RAB11FIP4: variants seen among roughly 807,000 people sequenced by gnomAD.
The protein encoded by RAB11FIP4 is RAB11 family interacting protein 4.
Under a neutral mutation model 74.3 loss-of-function variants are expected in RAB11FIP4, and 23 were observed. The observed-to-expected ratio is 0.31, with a 90% CI of 0.22 to 0.44. The LOEUF (loss-of-function observed/expected upper bound fraction) is 0.44, where lower values mean the gene tolerates loss of function less well. Among genes scored for constraint, RAB11FIP4 ranks in the 20% least tolerant of loss-of-function variants. The pLI, the probability that RAB11FIP4 is intolerant of heterozygous loss-of-function variation, is 1.00. For synonymous variants in RAB11FIP4, 360 were observed against 359.9 expected, an observed-to-expected ratio of 1.00 and a Z score of 0.00; for missense variants, 630 against 863.9, an observed-to-expected ratio of 0.73 and a Z score of 3.39.
At chr17:31,445,529 ATTTT>A (rs754621381) in intron 3 of RAB11FIP4, among the ~76,000 whole-genome samples, 1,654 of 89,880 alleles carry the variant, frequency 0.018, 35 homozygotes, top group Middle Eastern at 0.071. Flanking sequence ...AATTTTCCCA[ATTTT>A]ATATATATAT....
In RAB11FIP4 at chr17:31,527,941, G is replaced by T. The variant is rs2072796367; in HGVS notation, c.1356+18G>T. ...TGGATGAGGTGAGCAGCAGATCCAG[G>T]CTTGGAGGGGCAGGGCTGGCCATCG... is the stretch of plus-strand genomic sequence containing the variant. On this transcript the variant is annotated intron_variant, in intron 11 of 14. Coordinates refer to ENST00000621161, the MANE Select transcript of RAB11FIP4 (RefSeq NM_032932.6). The T allele has an allele frequency of 1.3e-6, 2 of 1,571,606 alleles. No homozygotes were observed. Among genetic ancestry groups the T allele is most frequent in the Non-Finnish European group, 1.7e-6 (2 of 1,154,628 alleles).
In RAB11FIP4 at chr17:31,523,885, T is replaced by G; in HGVS notation, c.1030-8T>G. ...TCTTCTCCACCCCACCCCGGCCCCCTGCTGCAGGTAAGCTTCCTGGAAAAG... is the reference window on the plus strand; with the variant it reads ...TCTTCTCCACCCCACCCCGGCCCCCGGCTGCAGGTAAGCTTCCTGGAAAAG... On this transcript the variant is annotated splice_region_variant and splice_polypyrimidine_tract_variant and intron_variant, in intron 8 of 14. Coordinates refer to ENST00000621161, the MANE Select transcript of RAB11FIP4 (RefSeq NM_032932.6). 19 of 1,176,908 alleles carry G rather than the reference T, an allele frequency of 1.6e-5. No individual in the cohort carries two copies. The highest frequency in any genetic ancestry group is 2.0e-5 in the Non-Finnish European group (16 of 786,606). The allele number at this position is 1,176,908 out of a possible 1,614,324, so 72.9% of individuals were successfully genotyped here.
At chr17:31,400,553 G>A (rs1196219427) in intron 1 of RAB11FIP4, among the ~76,000 whole-genome samples, 1 of 152,248 alleles carries the variant, frequency 6.6e-6, no homozygotes, top group African/African-American at 2.4e-5. Context: ...AGAGGCAGAA[G>A]GGGCCGGGGA....
intron 3 of RAB11FIP4, among the ~76,000 whole-genome samples, chr17:31,488,838 C>G (rs756208320): frequency 1.3e-5 from 2 of 152,082 alleles, no homozygotes; most frequent in African/African-American, 4.8e-5. Context: ...CGGTCTGGCC[C>G]GGTGGTGGGA....
At chr17:31,434,694 G>C (rs1470350865) in intron 3 of RAB11FIP4, among the ~76,000 whole-genome samples, 1 of 152,130 alleles carries the variant, frequency 6.6e-6, no homozygotes, top group East Asian at 1.9e-4. Flanking sequence ...TAATTCACTG[G>C]AAACACTCAG....
intron 3 of RAB11FIP4, among the ~76,000 whole-genome samples, chr17:31,473,894 G>A (rs1567667796): frequency 6.6e-6 from 1 of 152,192 alleles, no homozygotes; most frequent in Non-Finnish European, 1.5e-5. Flanking sequence ...CAGAAGTGTT[G>A]GCTGCTGCAG....
intron 3 of RAB11FIP4, chr17:31,488,352 A>G: frequency 1.9e-6 from 2 of 1,028,726 alleles, no homozygotes; most frequent in South Asian, 4.6e-5. Flanking sequence ...GGCCCCGGGA[A>G]GTTGGCGGAG....
rs1190316585 is a variant in RAB11FIP4, at chr17:31,519,007, CTT to C, written c.563+1154_563+1155del. 2.4e-3 allele frequency among the ~76,000 whole-genome samples: 175 copies of C among 73,950 alleles called. 2 individuals carry two copies. Among genetic ancestry groups the C allele is most frequent in the African/African-American group, 7.9e-3 (153 of 19,362 alleles). The allele number at this position is 73,950 out of a possible 152,430, so 48.5% of individuals were successfully genotyped here. ...GCCACCATGTCCAGCTAAGTTTTGT[CTT>C]TTTTTTTTTTTTTTTTTTTTTTTGA... On this transcript the variant is annotated intron_variant, in intron 4 of 14. Coordinates refer to ENST00000621161, the MANE Select transcript of RAB11FIP4 (RefSeq NM_032932.6).
At chr17:31,438,919 C>G (rs975006975) in intron 3 of RAB11FIP4, among the ~76,000 whole-genome samples, 1 of 152,076 alleles carries the variant, frequency 6.6e-6, no homozygotes, top group African/African-American at 2.4e-5. Context: ...TGAGACCAGC[C>G]TGGACAATAT....
chr17:31,480,170 C>T (rs9895924), intron 3 of RAB11FIP4, among the ~76,000 whole-genome samples: 2,147 of 152,208 alleles, frequency 0.014, 44 homozygotes, highest in African/African-American at 0.047. Flanking sequence ...CTGCTCCACA[C>T]GGCCTCTCAC....
At chr17:31,421,145 C>T (rs908983243) in intron 1 of RAB11FIP4, among the ~76,000 whole-genome samples, 3 of 152,198 alleles carry the variant, frequency 2.0e-5, no homozygotes, top group Admixed American at 1.3e-4. Context: ...TAGACACATA[C>T]TGCCTAATTC....
intron 3 of RAB11FIP4, among the ~76,000 whole-genome samples, chr17:31,450,359 T>C (rs1013096572): frequency 6.9e-6 from 1 of 145,460 alleles, no homozygotes; most frequent in African/African-American, 2.6e-5. Context: ...TTATTATTAT[T>C]ATTGAGACAG....
chr17:31,395,243 G>A (rs1362999113), intron 1 of RAB11FIP4, among the ~76,000 whole-genome samples: 1 of 152,150 alleles, frequency 6.6e-6, no homozygotes, highest in African/African-American at 2.4e-5. Context: ...TTATTGAACA[G>A]ATGATAATAA....
At chr17:31,481,721 CTTGT>C (rs1255411535) in intron 3 of RAB11FIP4, among the ~76,000 whole-genome samples, 1 of 152,164 alleles carries the variant, frequency 6.6e-6, no homozygotes, top group Non-Finnish European at 1.5e-5. Flanking sequence ...AGTCAGGGGG[CTTGT>C]TTGTTAGGGA....
chr17:31,474,781 G>C (rs2071773464), intron 3 of RAB11FIP4, among the ~76,000 whole-genome samples: 1 of 151,726 alleles, frequency 6.6e-6, no homozygotes, highest in Admixed American at 6.6e-5. Flanking sequence ...GGTGGAGGTT[G>C]CAGTGAGCCA....
intron 3 of RAB11FIP4, among the ~76,000 whole-genome samples, chr17:31,506,918 A>C (rs1779273778): frequency 6.6e-6 from 1 of 152,148 alleles, no homozygotes; most frequent in African/African-American, 2.4e-5. Context: ...GAATTGTTGG[A>C]TCATATGATA....
intron 3 of RAB11FIP4, among the ~76,000 whole-genome samples, chr17:31,464,413 A>G (rs1332518959): frequency 1.3e-5 from 2 of 152,152 alleles, no homozygotes; most frequent in African/African-American, 2.4e-5. Context: ...TACAGAGAGC[A>G]GAGAAAATGG....
chr17:31,416,600 G>A (rs1379389125), intron 1 of RAB11FIP4, among the ~76,000 whole-genome samples: 3 of 152,242 alleles, frequency 2.0e-5, no homozygotes, highest in Non-Finnish European at 4.4e-5. Flanking sequence ...CAGGCAGCTG[G>A]ACTGCTGGGA....
rs115488718 is a variant in RAB11FIP4, at chr17:31,415,868, C to T, written c.160-15945C>T. Among the ~76,000 whole-genome samples the T allele has an allele frequency of 1.8e-3, 281 of 152,248 alleles. 2 individuals are homozygous for T. The highest frequency in any genetic ancestry group is 6.3e-3 in the African/African-American group (260 of 41,554). Reference sequence around the variant, plus strand: ...GGTGGCCCCTCTGCCTGTCCCTTCCCGGGGGAAGGCTCACCCTCAGGCCCC... The same window carrying T: ...GGTGGCCCCTCTGCCTGTCCCTTCCTGGGGGAAGGCTCACCCTCAGGCCCC... On this transcript the variant is annotated intron_variant, in intron 1 of 14. Transcript: ENST00000621161.
Sources: allele counts gnomAD v4.1 joint callset (sites outside exome capture counted in the v4.1 genomes callset), GRCh38; gene constraint gnomAD v4.1.1; transcripts MANE v1.5; gene names NCBI Gene and HGNC (gene_info 2026-07-23, HGNC 2026-07-21).